The following CDH4 variants were observed in gnomAD, a reference collection of about 807,000 sequenced individuals.
CDH4 encodes the protein cadherin 4, also known as cadherin-4.
A neutral mutation model predicts 86.0 loss-of-function variants in CDH4; 33 were observed. That is an observed-to-expected ratio of 0.38 (90% CI 0.29 to 0.51). The LOEUF is 0.51. Ranked by LOEUF, CDH4 falls within the 20% of genes least tolerant of loss-of-function variation. The probability of loss-of-function intolerance (pLI) is 0.86; values close to 1 mark genes in which losing one functional copy is unlikely to be tolerated. For missense variants in CDH4, 1,114 were observed against 1,307.4 expected, an observed-to-expected ratio of 0.85 and a Z score of 2.28; for synonymous variants, 555 against 549.4, an observed-to-expected ratio of 1.01 and a Z score of -0.14.
intron 2 of CDH4, among the ~76,000 whole-genome samples, chr20:61,365,501 C>CT (rs997848032): frequency 2.2e-4 from 34 of 152,150 alleles, no homozygotes; most frequent in Middle Eastern, 3.4e-3. Context: ...CTCACTATCT[C>CT]CAGAGGACCC....
intron 2 of CDH4, among the ~76,000 whole-genome samples, chr20:61,364,938 G>A (rs2084803248): frequency 6.6e-6 from 1 of 152,170 alleles, no homozygotes; most frequent in African/African-American, 2.4e-5. Flanking sequence ...CGGGTGGGGA[G>A]CAGCAGCTTT....
At chr20:61,614,805 A>G (rs1600808622) in intron 2 of CDH4, among the ~76,000 whole-genome samples, 1 of 152,130 alleles carries the variant, frequency 6.6e-6, no homozygotes, top group African/African-American at 2.4e-5. Flanking sequence ...CCCGCTCTTC[A>G]GGCTCCCTGA....
Position 61,934,067 on chromosome 20 carries a change from C to T in CDH4, c.2391C>T (p.Leu797=). ...GGGEEDQDYD[L]SQLQQPEAMG... ...GCTCCCTCCCCCAGGACTACGACCT[C>T]AGCCAGCTGCAGCAGCCGGAAGCCA... is the stretch of plus-strand genomic sequence containing the variant. The change falls in exon 15 of 16, where the codon CTC becomes CTT. Residue 797 remains leucine (L), a synonymous_variant. Coordinates refer to ENST00000614565, the MANE Select transcript of CDH4 (RefSeq NM_001794.5). 1.2e-6 allele frequency: 2 copies of T among 1,611,036 alleles called. No individual in the cohort carries two copies. The highest frequency in any genetic ancestry group is 1.7e-6 in the Non-Finnish European group (2 of 1,179,834).
intron 2 of CDH4, among the ~76,000 whole-genome samples, chr20:61,512,639 G>T (rs2085788554): frequency 6.6e-6 from 1 of 152,202 alleles, no homozygotes; most frequent in Admixed American, 6.5e-5. Context: ...TCCAACACCG[G>T]CACCCAAAGA....
At chr20:61,409,228 C>G (rs1209864127) in intron 2 of CDH4, among the ~76,000 whole-genome samples, 3 of 152,144 alleles carry the variant, frequency 2.0e-5, no homozygotes, top group Admixed American at 2.0e-4. Flanking sequence ...CCCTCCCCCA[C>G]GTAGTGCCAG....
chr20:61,858,057 G>A (rs1436278240), intron 6 of CDH4, among the ~76,000 whole-genome samples: 2 of 150,834 alleles, frequency 1.3e-5, no homozygotes, highest in African/African-American at 2.4e-5. Context: ...GTGTCTCTGT[G>A]TGTGTGTCTG....
At chr20:61,566,474 C>A (rs762849981) in intron 2 of CDH4, among the ~76,000 whole-genome samples, 2 of 152,136 alleles carry the variant, frequency 1.3e-5, no homozygotes, top group Non-Finnish European at 2.9e-5. Flanking sequence ...TGGTTGCCAG[C>A]GTAGAACGCT....
At chr20:61,771,589 T>C (rs1165086487) in intron 3 of CDH4, among the ~76,000 whole-genome samples, 1 of 132,312 alleles carries the variant, frequency 7.6e-6, no homozygotes, top group Admixed American at 8.8e-5. Context: ...GTATCACTGC[T>C]CCAGCCTGGA....
At chr20:61,295,856 C>T (rs1284891496) in intron 2 of CDH4, among the ~76,000 whole-genome samples, 5 of 152,186 alleles carry the variant, frequency 3.3e-5, no homozygotes, top group African/African-American at 1.2e-4. Flanking sequence ...CTGGGGTCCC[C>T]GGCCGGCCGG....
chr20:61,268,275 A>G (rs1382901625), intron 2 of CDH4, among the ~76,000 whole-genome samples: 1 of 152,168 alleles, frequency 6.6e-6, no homozygotes, highest in Non-Finnish European at 1.5e-5. Flanking sequence ...CAGGCCGAGG[A>G]GAGGAGAAGG....
rs572792942 is a variant in CDH4, at chr20:61,893,869, G to C, written c.1051-1041G>C. 1.7e-4 allele frequency among the ~76,000 whole-genome samples: 26 copies of C among 151,978 alleles called. 1 individual carries two copies. In the South Asian group the frequency reaches 5.6e-3, roughly 33 times the overall value. Reference sequence around the variant, plus strand: ...TGGGTGGATGGATGGATGGATGGATGGGTGATGGTTGGAAAGAGAAAAGGT... The same window carrying C: ...TGGGTGGATGGATGGATGGATGGATCGGTGATGGTTGGAAAGAGAAAAGGT... On this transcript the variant is annotated intron_variant, in intron 7 of 15. Coordinates refer to ENST00000614565, the MANE Select transcript of CDH4 (RefSeq NM_001794.5).
intron 2 of CDH4, among the ~76,000 whole-genome samples, chr20:61,298,900 C>T (rs1233670132): frequency 6.6e-6 from 1 of 151,560 alleles, no homozygotes. Context: ...AACTCAGGAA[C>T]TAAAAATGCT....
At chr20:61,768,262 C>T (rs968263405) in intron 3 of CDH4, among the ~76,000 whole-genome samples, 3 of 152,148 alleles carry the variant, frequency 2.0e-5, no homozygotes, top group Non-Finnish European at 4.4e-5. Flanking sequence ...CATAAACACA[C>T]ATGTATTCAT....
At chr20:61,524,088 A>G (rs1041274) in intron 2 of CDH4, among the ~76,000 whole-genome samples, 59,129 of 152,030 alleles carry the variant, frequency 0.39, 13,132 homozygotes, top group African/African-American at 0.61. Context: ...TACCTGGGGA[A>G]TGCTGTTTAT....
chr20:61,322,703 G>T (rs571664019), intron 2 of CDH4, among the ~76,000 whole-genome samples: 1 of 152,174 alleles, frequency 6.6e-6, no homozygotes, highest in African/African-American at 2.4e-5. Flanking sequence ...ACGCTGAGAC[G>T]CAGCCACCGA....
chr20:61,535,822 C>A (rs1347717611), intron 2 of CDH4, among the ~76,000 whole-genome samples: 1 of 152,186 alleles, frequency 6.6e-6, no homozygotes, highest in Non-Finnish European at 1.5e-5. Context: ...CCCTTCAGTG[C>A]CGGTCCTTTG....
chr20:61,545,674 G>A (rs1600744899), intron 2 of CDH4, among the ~76,000 whole-genome samples: 1 of 152,226 alleles, frequency 6.6e-6, no homozygotes, highest in Admixed American at 6.5e-5. Flanking sequence ...GGAGGCTTTG[G>A]CAACTGGTGC....
At chr20:61,818,673 T>C (rs998691823) in intron 4 of CDH4, among the ~76,000 whole-genome samples, 2 of 141,896 alleles carry the variant, frequency 1.4e-5, no homozygotes, top group African/African-American at 5.0e-5. Flanking sequence ...ACGAAGTCTC[T>C]TAAAAAACTA....
chr20:61,840,634 C>T (rs1807814084), intron 4 of CDH4, among the ~76,000 whole-genome samples: 2 of 152,104 alleles, frequency 1.3e-5, no homozygotes, highest in Admixed American at 6.5e-5. Flanking sequence ...CTAAGGCGAT[C>T]GGCGCACTGG....
Sources: allele counts gnomAD v4.1 joint callset (sites outside exome capture counted in the v4.1 genomes callset), GRCh38; gene constraint gnomAD v4.1.1; transcripts MANE v1.5; gene names NCBI Gene and HGNC (gene_info 2026-07-23, HGNC 2026-07-21).